GDF11: variants seen among roughly 807,000 people sequenced by gnomAD.
The protein encoded by GDF11 is growth differentiation factor 11.
GDF11 carries 12 observed loss-of-function variants against 34.4 expected under a neutral mutation model. The observed-to-expected ratio is 0.35, with a 90% confidence interval of 0.22 to 0.57. The LOEUF (loss-of-function observed/expected upper bound fraction) is 0.57. GDF11 is among the 20% of genes least tolerant of loss of function. The probability of loss-of-function intolerance (pLI) is 0.86; values close to 1 mark genes in which losing one functional copy is unlikely to be tolerated. For synonymous variants in GDF11, 212 were observed against 231.1 expected (o/e 0.92, Z 0.75); for missense variants, 346 against 548.2 (o/e 0.63, Z 3.68).
At position 55,743,555 on chromosome 12, in the gene GDF11, A is replaced by G. The variant is rs772623165; in HGVS notation, c.239A>G (p.Lys80Arg). 3.7e-6 allele frequency: 6 copies of G among 1,603,894 alleles called. No homozygotes were observed. The South Asian group carries it at 4.4e-5, about 12-fold the overall frequency. ...CGCGAGCTGCGCCTAGAGAGCATCAAGTCGCAGATCTTGAGCAAACTGCGG... is the reference window on the plus strand; with the variant it reads ...CGCGAGCTGCGCCTAGAGAGCATCAGGTCGCAGATCTTGAGCAAACTGCGG... ...HSRELRLESI[K>R]SQILSKLRLK... The change falls in exon 1 of 3, where the codon AAG (lysine) becomes AGG (arginine). Residue 80 changes from lysine to arginine, a missense_variant. Physicochemically the swap from Lys to Arg is conservative, Grantham distance 26 (BLOSUM62 2). Transcript: ENST00000257868.
In GDF11 at chr12:55,743,251, C is replaced by T. The variant is rs1280511037; in HGVS notation, c.-66C>T. 1 of 553,076 alleles carries T rather than the reference C, an allele frequency of 1.8e-6. No individual in the cohort carries two copies. The highest frequency in any genetic ancestry group is 2.3e-6 in the Non-Finnish European group (1 of 438,018). 34.3% of individuals were successfully genotyped at this position (553,076 alleles called of 1,614,324 possible). On this transcript the variant is annotated 5_prime_UTR_variant, in exon 1 of 3. Transcript: ENST00000257868. ...CCCCCTCCTCCTCCCTCCCTCCTCCCTCCGCCCCCTCCCCGCGGGACTCCG... is the reference window on the plus strand; with the variant it reads ...CCCCCTCCTCCTCCCTCCCTCCTCCTTCCGCCCCCTCCCCGCGGGACTCCG...
rs777307962 is a variant in GDF11 at position 55,749,615 on chromosome 12, A to G, written c.957A>G (p.Thr319=). The change falls in exon 3 of 3, where the codon ACA becomes ACG. Residue 319 remains threonine (T), a synonymous_variant. Transcript: ENST00000257868. This position sits in a 1 kb window ranked among gnomAD's most constrained non-coding sequence, Gnocchi z 5.6. Reference sequence around the variant, plus strand: ...CCCGCTGCTGCCGATATCCCCTCACAGTGGACTTTGAGGCTTTCGGCTGGG... The same window carrying G: ...CCCGCTGCTGCCGATATCCCCTCACGGTGGACTTTGAGGCTTTCGGCTGGG... ...SESRCCRYPL[T]VDFEAFGWDW... 6.2e-7 allele frequency: 1 copy of G among 1,614,166 alleles called. No homozygotes were observed. Among genetic ancestry groups the G allele is most frequent in the Non-Finnish European group, 8.5e-7 (1 of 1,180,026 alleles).
In GDF11 at chr12:55,754,919, C is replaced by T. The variant is rs941255203; in HGVS notation, c.*5037C>T. On this transcript the variant is annotated 3_prime_UTR_variant, in exon 3 of 3. Coordinates refer to ENST00000257868, the MANE Select transcript of GDF11 (RefSeq NM_005811.5). ...CTAATCTATCCTATTGAAAGTGATC[C>T]GGGAGGTAGAAACCTAAATACAGGA... is the stretch of plus-strand genomic sequence containing the variant. 5.3e-5 allele frequency: 8 copies of T among 152,014 alleles called. No individual in the cohort carries two copies. The highest frequency in any genetic ancestry group is 7.4e-5 in the Non-Finnish European group (5 of 68,014). 9.4% of individuals were successfully genotyped at this position (152,014 alleles called of 1,614,324 possible). A position where few individuals can be genotyped will look rare whatever the true frequency, so the allele number is the denominator to read the frequency against.
At position 55,743,587 on chromosome 12, in the gene GDF11, G is replaced by A; in HGVS notation, c.271G>A (p.Glu91Lys). The change falls in exon 1 of 3, where the codon GAG (glutamate) becomes AAG (lysine). Residue 91 changes from glutamate to lysine, a missense_variant. Coordinates refer to ENST00000257868, the MANE Select transcript of GDF11 (RefSeq NM_005811.5). ...GATCTTGAGCAAACTGCGGCTCAAGGAGGCGCCCAACATCAGCCGCGAGGT... is the reference window on the plus strand; with the variant it reads ...GATCTTGAGCAAACTGCGGCTCAAGAAGGCGCCCAACATCAGCCGCGAGGT... ...SQILSKLRLK[E>K]APNISREVVK... 3 of 1,605,046 alleles carry A rather than the reference G, an allele frequency of 1.9e-6. No individual in the cohort carries two copies. The highest frequency in any genetic ancestry group is 2.5e-6 in the Non-Finnish European group (3 of 1,179,806).
At position 55,748,171 on chromosome 12, in the gene GDF11, T is replaced by G. The variant is rs1878223761; in HGVS notation, c.446-415T>G. Among the ~76,000 whole-genome samples, 1 of 152,106 alleles carries G rather than the reference T, an allele frequency of 6.6e-6. No homozygotes were observed. The highest frequency in any genetic ancestry group is 1.5e-5 in the Non-Finnish European group (1 of 68,004). On this transcript the variant is annotated intron_variant, in intron 1 of 2. Coordinates refer to ENST00000257868, the MANE Select transcript of GDF11 (RefSeq NM_005811.5). The surrounding 1 kb of genome is among the most constrained non-coding windows in gnomAD (Gnocchi z 5.6). ...AGGCTCTACCTGTCCAGCAGATAAA[T>G]CAGAGCAGATAGGGGAAAGGTGATG...
rs1565666836 is a variant in GDF11 at position 55,751,826 on chromosome 12, CTAAAG to C, written c.*1950_*1954del. ...CGGGTCTGATAAAAACAGTACTGAA[CTAAAG>C]TAAAGCCCAAGCTGGTGAGCAAAAC... On this transcript the variant is annotated 3_prime_UTR_variant, in exon 3 of 3. Transcript: ENST00000257868. 2 of 152,188 alleles carry C rather than the reference CTAAAG, an allele frequency of 1.3e-5. No homozygotes were observed. The highest frequency in any genetic ancestry group is 2.9e-5 in the Non-Finnish European group (2 of 68,058). The allele number at this position is 152,188 out of a possible 1,614,324, so 9.4% of individuals were successfully genotyped here.
intron 1 of GDF11, among the ~76,000 whole-genome samples, chr12:55,745,353 A>AT (rs1300741262): frequency 6.6e-6 from 1 of 151,092 alleles, no homozygotes; most frequent in Non-Finnish European, 1.5e-5. Flanking sequence ...AGCCCACCAG[A>AT]GTTAGCTCTG....
rs977586191 is a variant in GDF11, at chr12:55,750,920, C to T, written c.*1038C>T. ...AGCCAAGAGAGAGACCAAAGAGCCT[C>T]TGGAATGGCCCTGCTCCCAGCCTCT... On this transcript the variant is annotated 3_prime_UTR_variant, in exon 3 of 3. Transcript: ENST00000257868. The T allele has an allele frequency of 6.6e-6, 1 of 152,164 alleles. No homozygotes were observed. The highest frequency in any genetic ancestry group is 1.5e-5 in the Non-Finnish European group (1 of 68,062). The allele number at this position is 152,164 out of a possible 1,614,324, so 9.4% of individuals were successfully genotyped here.
Position 55,750,904 on chromosome 12 carries a change from A to G in GDF11, c.*1022A>G, listed in dbSNP as rs1182072101. 6.6e-6 allele frequency: 1 copy of G among 152,208 alleles called. No individual in the cohort carries two copies. The highest frequency in any genetic ancestry group is 1.5e-5 in the Non-Finnish European group (1 of 68,078). The allele number at this position is 152,208 out of a possible 1,614,324, so 9.4% of individuals were successfully genotyped here. ...ATGCCCAAATTCCCTCAGCCAAGAGAGAGACCAAAGAGCCTCTGGAATGGC... is the reference window on the plus strand; with the variant it reads ...ATGCCCAAATTCCCTCAGCCAAGAGGGAGACCAAAGAGCCTCTGGAATGGC... On this transcript the variant is annotated 3_prime_UTR_variant, in exon 3 of 3. Transcript: ENST00000257868.
At chr12:55,744,702 TC>T (rs1259571004) in intron 1 of GDF11, among the ~76,000 whole-genome samples, 2 of 143,500 alleles carry the variant, frequency 1.4e-5, no homozygotes, top group South Asian at 2.4e-4. Context: ...CACTGAGGTC[TC>T]CCCCCCTCCC....
intron 1 of GDF11, among the ~76,000 whole-genome samples, chr12:55,746,867 G>C (rs1322474736): frequency 1.3e-5 from 2 of 152,176 alleles, no homozygotes; most frequent in Admixed American, 1.3e-4. Flanking sequence ...TTCAATTATA[G>C]CCAAAGAACA....
Position 55,743,297 on chromosome 12 carries a change from T to A in GDF11, c.-20T>A. 18 of 693,930 alleles carry A rather than the reference T, an allele frequency of 2.6e-5. No individual in the cohort carries two copies. The highest frequency in any genetic ancestry group is 3.0e-5 in the Non-Finnish European group (17 of 570,468). 43.0% of individuals were successfully genotyped at this position (693,930 alleles called of 1,614,324 possible). A position where few individuals can be genotyped will look rare whatever the true frequency, so the allele number is the denominator to read the frequency against. ...CTCCGGCGTCCCCGCCCCCCAGTCC[T>A]CCCTCCCCTCCCCTCCAGCATGGTG... is the stretch of plus-strand genomic sequence containing the variant. On this transcript the variant is annotated 5_prime_UTR_variant, in exon 1 of 3. Coordinates refer to ENST00000257868, the MANE Select transcript of GDF11 (RefSeq NM_005811.5).
Position 55,748,461 on chromosome 12 carries a change from T to C in GDF11, c.446-125T>C. 2.5e-6 allele frequency: 2 copies of C among 797,110 alleles called. No individual in the cohort carries two copies. Among genetic ancestry groups the C allele is most frequent in the Non-Finnish European group, 4.1e-6 (2 of 491,612 alleles). The allele number at this position is 797,110 out of a possible 1,614,324, so 49.4% of individuals were successfully genotyped here. On this transcript the variant is annotated intron_variant, in intron 1 of 2. Coordinates refer to ENST00000257868, the MANE Select transcript of GDF11 (RefSeq NM_005811.5). The surrounding 1 kb of genome is among the most constrained non-coding windows in gnomAD (Gnocchi z 5.6). The stretch of plus-strand genomic sequence containing the variant: ...CCGGAGACATGGTATAAGATAGGCA[T>C]GGGAGAAGGGTAAAGAAGAACTGGA...
At position 55,749,020 on chromosome 12, in the gene GDF11, C is replaced by A. The variant is rs762703949; in HGVS notation, c.843+37C>A. On this transcript the variant is annotated intron_variant, in intron 2 of 2. Coordinates refer to ENST00000257868, the MANE Select transcript of GDF11 (RefSeq NM_005811.5). This position sits in a 1 kb window ranked among gnomAD's most constrained non-coding sequence, Gnocchi z 5.6. ...GCCTGAGGTGGTGGATATGTGTAACCTGGCCCTGAGGAGATAGGGTTACAT... is the reference window on the plus strand; with the variant it reads ...GCCTGAGGTGGTGGATATGTGTAACATGGCCCTGAGGAGATAGGGTTACAT... 3.2e-6 allele frequency: 5 copies of A among 1,557,998 alleles called. No individual in the cohort carries two copies. Among genetic ancestry groups the A allele is most frequent in the Non-Finnish European group, 4.3e-6 (5 of 1,158,192 alleles).
Position 55,745,350 on chromosome 12 carries a change from CAG to C in GDF11, c.445+1592_445+1593del, listed in dbSNP as rs556624511. Among the ~76,000 whole-genome samples the C allele has an allele frequency of 3.0e-3, 460 of 152,126 alleles. 3 individuals are homozygous for C. The highest frequency in any genetic ancestry group is 5.6e-3 in the Non-Finnish European group (378 of 67,986). On this transcript the variant is annotated intron_variant, in intron 1 of 2. Transcript: ENST00000257868. ...CCTTAACCAACAGGCCTGAGCCCAC[CAG>C]AGTTAGCTCTGGTAATGGGGATACA...
chr12:55,745,329 A>G (rs1198027622), intron 1 of GDF11, among the ~76,000 whole-genome samples: 1 of 152,000 alleles, frequency 6.6e-6, no homozygotes, highest in Non-Finnish European at 1.5e-5. Flanking sequence ...AGCATCCCTT[A>G]ACCAACAGGC....
Position 55,749,117 on chromosome 12 carries a change from C to T in GDF11, c.843+134C>T. Reference sequence around the variant, plus strand: ...ACTTCTCTGGGGTCAGCAGCTGATTCTAGAGGAGGAGGTGAGGAGTGGGGT... The same window carrying T: ...ACTTCTCTGGGGTCAGCAGCTGATTTTAGAGGAGGAGGTGAGGAGTGGGGT... On this transcript the variant is annotated intron_variant, in intron 2 of 2. Transcript: ENST00000257868. This position sits in a 1 kb window ranked among gnomAD's most constrained non-coding sequence, Gnocchi z 5.6. 2.2e-6 allele frequency: 2 copies of T among 917,200 alleles called. No individual in the cohort carries two copies. The highest frequency in any genetic ancestry group is 3.2e-6 in the Non-Finnish European group (2 of 625,784). The allele number at this position is 917,200 out of a possible 1,614,324, so 56.8% of individuals were successfully genotyped here.
At position 55,752,011 on chromosome 12, in the gene GDF11, T is replaced by G. The variant is rs995537617; in HGVS notation, c.*2129T>G. 1 of 152,184 alleles carries G rather than the reference T, an allele frequency of 6.6e-6. No individual in the cohort carries two copies. The highest frequency in any genetic ancestry group is 1.5e-5 in the Non-Finnish European group (1 of 68,056). 9.4% of individuals were successfully genotyped at this position (152,184 alleles called of 1,614,324 possible). On this transcript the variant is annotated 3_prime_UTR_variant, in exon 3 of 3. Coordinates refer to ENST00000257868, the MANE Select transcript of GDF11 (RefSeq NM_005811.5). ...GAGAAAGTGAAACAAGATCTTTCAG[T>G]AGAGGAATGGGCAGGGCTGTTAGGC... is the stretch of plus-strand genomic sequence containing the variant.
Position 55,753,993 on chromosome 12 carries a change from C to T in GDF11, c.*4111C>T, listed in dbSNP as rs529877054. The stretch of plus-strand genomic sequence containing the variant: ...TAAAGTAAAATAAAAATAAGGAAAG[C>T]TCCTGTGACATCAACCTGATCCAGA... On this transcript the variant is annotated 3_prime_UTR_variant, in exon 3 of 3. Coordinates refer to ENST00000257868, the MANE Select transcript of GDF11 (RefSeq NM_005811.5). 3.3e-5 allele frequency: 5 copies of T among 152,234 alleles called. No homozygotes were observed. In the South Asian group the frequency reaches 1.0e-3, roughly 32 times the overall value. The allele number at this position is 152,234 out of a possible 1,614,324, so 9.4% of individuals were successfully genotyped here.
Sources: gnomAD v4.1 joint callset for allele counts (sites outside exome capture counted in the v4.1 genomes callset) on GRCh38, gnomAD v4.1.1 for gene constraint, Gnocchi (gnomAD v3.1) non-coding constraint, MANE v1.5 for transcripts, NCBI Gene and HGNC (gene_info 2026-07-23, HGNC 2026-07-21) for gene names.